The following HDX variants were observed in gnomAD, a reference collection of about 807,000 sequenced individuals.
HDX encodes highly divergent homeobox, also known as chromosome X open reading frame 43.
Under a neutral mutation model 45.2 loss-of-function variants are expected in HDX, and 19 were observed. That is an observed-to-expected ratio of 0.42 (90% CI 0.29 to 0.62). The LOEUF (loss-of-function observed/expected upper bound fraction) is 0.62. Ranked by LOEUF, HDX falls within the 20% of genes least tolerant of loss-of-function variation. The pLI, the probability that HDX is intolerant of heterozygous loss-of-function variation, is 0.20. For missense variants in HDX, 532 were observed against 493.9 expected (o/e 1.08, Z -0.73); for synonymous variants, 188 against 172.8 (o/e 1.09, Z -0.69).
At chrX:84,376,030 T>G (rs974732748) in intron 5 of HDX, among the ~76,000 whole-genome samples, 2 of 112,123 alleles carry the variant, frequency 1.8e-5, no homozygotes, top group Non-Finnish European at 3.8e-5. Flanking sequence ...CGACTGATCA[T>G]CCCCCTAAAA....
intron 5 of HDX, among the ~76,000 whole-genome samples, chrX:84,393,291 C>G (rs760040907): frequency 9.0e-6 from 1 of 111,357 alleles, no homozygotes; most frequent in African/African-American, 3.3e-5. Context: ...GGCTTTTGTT[C>G]TTCATTCTGT....
At chrX:84,408,028 C>T (rs4828258) in intron 5 of HDX, among the ~76,000 whole-genome samples, 12,373 of 111,221 alleles carry the variant, frequency 0.11, 620 homozygotes, top group South Asian at 0.28. Context: ...TTTTGCAGTG[C>T]AGAAGCTCTT....
At chrX:84,421,633 A>G (rs2039254593) in intron 5 of HDX, among the ~76,000 whole-genome samples, 1 of 97,878 alleles carries the variant, frequency 1.0e-5, no homozygotes, top group African/African-American at 3.5e-5. Flanking sequence ...GGCTGAATGC[A>G]TTAAAAAAAA....
chrX:84,474,066 A>C (rs1602523892), intron 3 of HDX, among the ~76,000 whole-genome samples: 1 of 111,803 alleles, frequency 8.9e-6, no homozygotes, highest in Admixed American at 9.4e-5. Context: ...CGAGGCGGGC[A>C]GATCATCTGA....
intron 4 of HDX, among the ~76,000 whole-genome samples, chrX:84,453,133 C>A (rs2040037946): frequency 8.9e-6 from 1 of 112,039 alleles, no homozygotes; most frequent in South Asian, 3.7e-4. Flanking sequence ...ACAATTTCAT[C>A]AAAAATTGGC....
chrX:84,467,559 G>A (rs1432266922), intron 4 of HDX, among the ~76,000 whole-genome samples: 1 of 108,057 alleles, frequency 9.3e-6, no homozygotes. Context: ...CCAGGGAGCG[G>A]AGGTTGCAGT....
chrX:84,491,145 T>G (rs1468033761), intron 1 of HDX, among the ~76,000 whole-genome samples: 1 of 111,912 alleles, frequency 8.9e-6, no homozygotes, highest in Non-Finnish European at 1.9e-5. Context: ...ACTTCCCACC[T>G]TCTGTGACTC....
chrX:84,375,725 C>G (rs2147888902), intron 5 of HDX, among the ~76,000 whole-genome samples: 1 of 102,090 alleles, frequency 9.8e-6, no homozygotes, highest in Admixed American at 1.1e-4. Flanking sequence ...AGGGGAACAT[C>G]AAACTCTGGG....
intron 6 of HDX, among the ~76,000 whole-genome samples, chrX:84,358,519 T>TAGA (rs2037542030): frequency 9.0e-6 from 1 of 111,505 alleles, no homozygotes; most frequent in African/African-American, 3.3e-5. Context: ...CTCCTTAAAA[T>TAGA]AGAAATAATG....
chrX:84,497,634 G>A (rs186754350), intron 1 of HDX, among the ~76,000 whole-genome samples: 48 of 110,250 alleles, frequency 4.4e-4, no homozygotes, highest in South Asian at 7.7e-4. Context: ...AAATATTACA[G>A]GTATTAGAGG....
chrX:84,388,230 GT>G (rs1324389370), intron 5 of HDX, among the ~76,000 whole-genome samples: 35 of 107,174 alleles, frequency 3.3e-4, no homozygotes, highest in East Asian at 1.2e-3. Flanking sequence ...CTGCCTTTAA[GT>G]TTTTTTTTTA....
At chrX:84,392,388 C>T (rs2038461717) in intron 5 of HDX, among the ~76,000 whole-genome samples, 1 of 110,569 alleles carries the variant, frequency 9.0e-6, no homozygotes, top group South Asian at 3.8e-4. Flanking sequence ...GGATTGCTTT[C>T]GCTATTTGGG....
At chrX:84,404,839 C>G (rs879007547) in intron 5 of HDX, among the ~76,000 whole-genome samples, 1 of 110,848 alleles carries the variant, frequency 9.0e-6, no homozygotes, top group Admixed American at 9.6e-5. Context: ...GAGATTTTCC[C>G]CTTATGCAAA....
rs767353498 is a variant in HDX, at chrX:84,351,660, T to C, written c.1453-7203A>G. 7.5e-4 allele frequency among the ~76,000 whole-genome samples: 84 copies of C among 111,605 alleles called. 2 individuals carry two copies. Among genetic ancestry groups the C allele is most frequent in the Admixed American group, 3.5e-3 (37 of 10,446 alleles). On this transcript the variant is annotated intron_variant, in intron 6 of 10. Coordinates refer to ENST00000373177, the MANE Select transcript of HDX (RefSeq NM_001177479.2). ...CTTGATTGTTGGCTTTTCCAGTATCTATTCTGGGGTATATGAAGCAAAAGA... is the reference window on the plus strand; with the variant it reads ...CTTGATTGTTGGCTTTTCCAGTATCCATTCTGGGGTATATGAAGCAAAAGA...
At chrX:84,438,352 A>G (rs2039685246) in intron 5 of HDX, among the ~76,000 whole-genome samples, 1 of 111,421 alleles carries the variant, frequency 9.0e-6, no homozygotes, top group Non-Finnish European at 1.9e-5. Flanking sequence ...TATGTATCCT[A>G]TCCATTATAA....
At chrX:84,451,291 G>T (rs987413858) in intron 4 of HDX, among the ~76,000 whole-genome samples, 12 of 109,789 alleles carry the variant, frequency 1.1e-4, no homozygotes, top group African/African-American at 4.0e-4. Context: ...GACTAACCAA[G>T]AGAAAAAAAG....
chrX:84,456,564 T>A (rs1602491574), intron 4 of HDX, among the ~76,000 whole-genome samples: 1 of 110,930 alleles, frequency 9.0e-6, no homozygotes, highest in South Asian at 3.8e-4. Flanking sequence ...TGGACTAAAC[T>A]CTCTAATCAA....
chrX:84,365,362 A>G (rs1267995406), intron 5 of HDX, among the ~76,000 whole-genome samples: 1 of 111,532 alleles, frequency 9.0e-6, no homozygotes, highest in Non-Finnish European at 1.9e-5. Flanking sequence ...CATGACACCC[A>G]ACACTAGATA....
At chrX:84,390,137 C>G (rs1273778370) in intron 5 of HDX, among the ~76,000 whole-genome samples, 1 of 110,313 alleles carries the variant, frequency 9.1e-6, no homozygotes, top group Non-Finnish European at 1.9e-5. Context: ...AGGTCTGTCT[C>G]CATGGGAGTA....
Sources: allele counts gnomAD v4.1 joint callset (sites outside exome capture counted in the v4.1 genomes callset), GRCh38; gene constraint gnomAD v4.1.1; transcripts MANE v1.5; gene names NCBI Gene and HGNC (gene_info 2026-07-23, HGNC 2026-07-21).